Variants in WAPL observed in about 807,000 individuals in gnomAD.
WAPL encodes the protein wings apart-like protein homolog.
WAPL carries 5 observed loss-of-function variants against 121.0 expected under a neutral mutation model. The ratio of observed to expected loss-of-function variants is 0.04; its 90% CI spans 0.02 to 0.09. The LOEUF (loss-of-function observed/expected upper bound fraction) is 0.09, where lower values mean the gene tolerates loss of function less well. WAPL is among the 10% of genes least tolerant of loss of function. The pLI, the probability that WAPL is intolerant of heterozygous loss-of-function variation, is 1.00. For missense variants in WAPL, 999 were observed against 1,410.8 expected (o/e 0.71, Z 4.68); for synonymous variants, 480 against 481.5 (o/e 1.00, Z 0.04).
At chr10:86,478,772 C>T (rs796873720) in intron 4 of WAPL, among the ~76,000 whole-genome samples, 14 of 152,160 alleles carry the variant, frequency 9.2e-5, no homozygotes, top group African/African-American at 3.1e-4. Flanking sequence ...TTGTTGTTAA[C>T]AGACTGGATT....
chr10:86,487,657 G>A (rs767512067), intron 4 of WAPL, among the ~76,000 whole-genome samples: 130 of 152,132 alleles, frequency 8.5e-4, no homozygotes, highest in Non-Finnish European at 1.0e-3. Flanking sequence ...TTAGGAGGCC[G>A]AGGCGGGTGG....
chr10:86,457,612 C>T (rs1293495929), intron 12 of WAPL, among the ~76,000 whole-genome samples: 2 of 151,634 alleles, frequency 1.3e-5, no homozygotes, highest in Admixed American at 1.3e-4. Context: ...GAGATCATGC[C>T]ACTGTACTCC....
chr10:86,512,474 T>G (rs935627127), intron 2 of WAPL, among the ~76,000 whole-genome samples: 10 of 152,236 alleles, frequency 6.6e-5, no homozygotes, highest in Admixed American at 6.5e-4. Flanking sequence ...AGAACAAAGA[T>G]GAGAAATGGA....
chr10:86,454,366 CTCTCCCTCTCCCTCCACAA>C (rs1407748042), intron 12 of WAPL, among the ~76,000 whole-genome samples: 2 of 151,942 alleles, frequency 1.3e-5, no homozygotes, highest in African/African-American at 2.4e-5. Context: ...CTCGCTCTCC[CTCTCCCTCTCCCTCCACAA>C]TCTCCCTCTC....
chr10:86,466,507 C>T (rs2132187250), intron 9 of WAPL, among the ~76,000 whole-genome samples: 1 of 152,002 alleles, frequency 6.6e-6, no homozygotes, highest in South Asian at 2.1e-4. Flanking sequence ...GGGTTTGAGG[C>T]TGCAGTGAGC....
chr10:86,505,181 A>AT (rs1230305470), intron 2 of WAPL, among the ~76,000 whole-genome samples: 2 of 43,498 alleles, frequency 4.6e-5, no homozygotes, highest in Admixed American at 1.7e-4. Context: ...TAGAGACAGG[A>AT]TTTTTTTATG....
intron 16 of WAPL, among the ~76,000 whole-genome samples, chr10:86,445,334 G>T (rs1054967354): frequency 6.6e-6 from 1 of 151,936 alleles, no homozygotes; most frequent in Non-Finnish European, 1.5e-5. Flanking sequence ...TTTGATTTGT[G>T]GTTGGCTGAC....
At chr10:86,520,688 C>A (rs1842657682) in intron 1 of WAPL, among the ~76,000 whole-genome samples, 1 of 146,574 alleles carries the variant, frequency 6.8e-6, no homozygotes, top group Non-Finnish European at 1.5e-5. Context: ...GAATGATTGA[C>A]GACTAAGTCT....
At position 86,508,871 on chromosome 10, in the gene WAPL, C is replaced by T. The variant is rs562997246; in HGVS notation, c.500-8128G>A. 4.2e-4 allele frequency among the ~76,000 whole-genome samples: 64 copies of T among 151,450 alleles called. 1 individual carries two copies. In the South Asian group the frequency reaches 6.9e-3, roughly 16 times the overall value. The stretch of plus-strand genomic sequence containing the variant: ...CAGAGTTCACGCCATTCTCCTGCCT[C>T]AGCCTCTCCAAGTAACTGGGACTAC... On this transcript the variant is annotated intron_variant, in intron 2 of 18. Transcript: ENST00000298767.
intron 17 of WAPL, among the ~76,000 whole-genome samples, chr10:86,438,340 A>AC (rs1418283830): frequency 6.8e-6 from 1 of 147,910 alleles, no homozygotes; most frequent in Non-Finnish European, 1.5e-5. Context: ...TGCAACCTCT[A>AC]CCTCCTGGGT....
At chr10:86,489,836 C>T (rs1239803461) in intron 4 of WAPL, among the ~76,000 whole-genome samples, 1 of 149,508 alleles carries the variant, frequency 6.7e-6, no homozygotes, top group Non-Finnish European at 1.5e-5. Flanking sequence ...GCCAGAAAAT[C>T]CAGATACTCT....
In WAPL at chr10:86,500,397, A is replaced by T. The variant is rs1196286334; in HGVS notation, c.846T>A (p.Asp282Glu). The T allele has an allele frequency of 6.2e-7, 1 of 1,614,074 alleles. No homozygotes were observed. Among genetic ancestry groups the T allele is most frequent in the African/African-American group, 1.3e-5 (1 of 74,912 alleles). ...TTGGCCTAAGAACACTTTGTACAAT[A>T]TCTTCCTCAATGGCTTCATTCAGAT... ...LENLNEAIEE[D>E]IVQSVLRPTN... The change falls in exon 3 of 19, where the codon GAT (aspartate) becomes GAA (glutamate). Residue 282 changes from aspartate to glutamate, a missense_variant. By Grantham distance (45) the Asp-to-Glu change is conservative. Coordinates refer to ENST00000298767, the MANE Select transcript of WAPL (RefSeq NM_015045.5).
intron 12 of WAPL, among the ~76,000 whole-genome samples, chr10:86,455,697 G>GAAAAAAAAAAAAAA (rs1220963010): frequency 5.3e-5 from 7 of 131,338 alleles, no homozygotes; most frequent in East Asian, 2.1e-4. Context: ...AAAAAAAAAA[G>GAAAAAAAAAAAAAA]AAAGAAAGAA....
chr10:86,491,688 C>T (rs1842051949), intron 4 of WAPL, among the ~76,000 whole-genome samples: 4 of 150,750 alleles, frequency 2.7e-5, no homozygotes, highest in South Asian at 4.2e-4. Flanking sequence ...TACAAGAGAC[C>T]GCTTGAAATG....
rs557198468 is a variant in WAPL, at chr10:86,436,261, A to G, written c.*1282T>C. 2.0e-5 allele frequency: 3 copies of G among 152,772 alleles called. No individual in the cohort carries two copies. The highest frequency in any genetic ancestry group is 4.4e-5 in the Non-Finnish European group (3 of 68,038). 9.5% of individuals were successfully genotyped at this position (152,772 alleles called of 1,614,324 possible). On this transcript the variant is annotated 3_prime_UTR_variant, in exon 19 of 19. Transcript: ENST00000298767. ...ATTTTCCCCAATACACACCAAACTA[A>G]TATTTTTATGGCTTCAAGTTTTACA...
At position 86,475,327 on chromosome 10, in the gene WAPL, G is replaced by C. The variant is rs1354868672; in HGVS notation, c.1645-1354C>G. On this transcript the variant is annotated intron_variant, in intron 4 of 18. Transcript: ENST00000298767. ...TCAAATACATGGTTTGGACAAATTAGAGATTTTCTCTTATGAAACACATCT... is the reference window on the plus strand; with the variant it reads ...TCAAATACATGGTTTGGACAAATTACAGATTTTCTCTTATGAAACACATCT... Among the ~76,000 whole-genome samples the C allele has an allele frequency of 2.0e-5, 3 of 152,152 alleles. No homozygotes were observed. The East Asian group carries it at 5.8e-4, about 29-fold the overall frequency.
At chr10:86,491,121 C>G (rs1181295607) in intron 4 of WAPL, among the ~76,000 whole-genome samples, 1 of 142,554 alleles carries the variant, frequency 7.0e-6, no homozygotes, top group Non-Finnish European at 1.5e-5. Flanking sequence ...CTATCAATAA[C>G]ATAAACTCAT....
chr10:86,440,566 T>C (rs1399183384), intron 17 of WAPL, among the ~76,000 whole-genome samples: 3 of 152,170 alleles, frequency 2.0e-5, no homozygotes, highest in Non-Finnish European at 2.9e-5. Flanking sequence ...CCCAAAGTGC[T>C]GGGATTACAG....
chr10:86,458,786 A>G (rs912303988), intron 12 of WAPL, among the ~76,000 whole-genome samples: 1 of 152,196 alleles, frequency 6.6e-6, no homozygotes, highest in African/African-American at 2.4e-5. Flanking sequence ...TACAGCTGAA[A>G]TTATCAAGCT....
Sources: allele counts gnomAD v4.1 joint callset (sites outside exome capture counted in the v4.1 genomes callset), GRCh38; gene constraint gnomAD v4.1.1; transcripts MANE v1.5; gene names NCBI Gene and HGNC (gene_info 2026-07-23, HGNC 2026-07-21).